SAMMSON: variants seen among roughly 807,000 people sequenced by gnomAD.
The protein encoded by SAMMSON is survival associated mitochondrial melanoma specific oncogenic non-coding RNA.
At chr3:70,140,798 CT>C (rs2067524679) in intron 4 of SAMMSON, among the ~76,000 whole-genome samples, 1 of 152,142 alleles carries the variant, frequency 6.6e-6, no homozygotes, top group East Asian at 1.9e-4. Flanking sequence ...TGAGAATTGC[CT>C]TTCTTCCATT....
At chr3:70,368,342 C>G (rs1438789582) in intron 9 of SAMMSON, among the ~76,000 whole-genome samples, 1 of 151,214 alleles carries the variant, frequency 6.6e-6, no homozygotes, top group African/African-American at 2.4e-5. Context: ...ATAAATAAAA[C>G]TATATGAGCA....
intron 9 of SAMMSON, among the ~76,000 whole-genome samples, chr3:70,388,683 T>A (rs1701007030): frequency 6.6e-6 from 1 of 152,166 alleles, no homozygotes; most frequent in Non-Finnish European, 1.5e-5. Flanking sequence ...CATCCCGTGC[T>A]TATTTTCTTG....
Position 70,170,630 on chromosome 3 carries a change from C to T in SAMMSON, n.508-78477C>T, listed in dbSNP as rs912578799. 7.9e-5 allele frequency among the ~76,000 whole-genome samples: 5 copies of T among 63,016 alleles called. No homozygotes were observed. In the East Asian group the frequency reaches 1.1e-3, roughly 13 times the overall value. The allele number at this position is 63,016 out of a possible 152,430, so 41.3% of individuals were successfully genotyped here. A position where few individuals can be genotyped will look rare whatever the true frequency, so the allele number is the denominator to read the frequency against. On this transcript the variant is annotated intron_variant and non_coding_transcript_variant, in intron 4 of 9. Coordinates refer to ENST00000642114, the Ensembl canonical transcript of SAMMSON. ...TTTTATGATGCTTTGAATAGAAATT[C>T]GTATTTTATTCACTGGCTAAACAGA...
chr3:70,147,983 A>G (rs2067556076), intron 4 of SAMMSON, among the ~76,000 whole-genome samples: 1 of 152,130 alleles, frequency 6.6e-6, no homozygotes, highest in African/African-American at 2.4e-5. Context: ...CAAAATTTGG[A>G]CAATTTACCA....
intron 3 of SAMMSON, among the ~76,000 whole-genome samples, chr3:70,021,465 A>G (rs2067013162): frequency 6.6e-6 from 1 of 152,200 alleles, no homozygotes; most frequent in Non-Finnish European, 1.5e-5. Flanking sequence ...TCTGTGGCAA[A>G]ATGAGGAAGT....
intron 3 of SAMMSON, among the ~76,000 whole-genome samples, chr3:70,064,693 G>A (rs1307323853): frequency 6.6e-6 from 1 of 152,108 alleles, no homozygotes; most frequent in African/African-American, 2.4e-5. Flanking sequence ...GCAGATGTAA[G>A]GAAGGCACAA....
chr3:70,146,748 G>C (rs570394541), intron 4 of SAMMSON, among the ~76,000 whole-genome samples: 1 of 152,036 alleles, frequency 6.6e-6, no homozygotes, highest in African/African-American at 2.4e-5. Context: ...CTCCCTTTAA[G>C]ACAGGGGACA....
rs567060211 is a variant in SAMMSON, at chr3:70,088,208, C to T, written n.507+16643C>T. Among the ~76,000 whole-genome samples, 9 of 152,310 alleles carry T rather than the reference C, an allele frequency of 5.9e-5. No individual in the cohort carries two copies. In the East Asian group the frequency reaches 1.5e-3, roughly 26 times the overall value. On this transcript the variant is annotated intron_variant and non_coding_transcript_variant, in intron 4 of 9. Coordinates refer to ENST00000642114, the Ensembl canonical transcript of SAMMSON. ...AGCTTTTCTTTTCTAATGCTTCCAA[C>T]AGACATTCAACAATAAGCTTAGGTT...
chr3:70,135,985 T>A (rs1305787103), intron 4 of SAMMSON, among the ~76,000 whole-genome samples: 2 of 151,022 alleles, frequency 1.3e-5, no homozygotes, highest in Non-Finnish European at 2.9e-5. Context: ...TATAGTTAAG[T>A]TGTAGTTTAA....
chr3:70,130,792 AC>A (rs1372683784), intron 4 of SAMMSON, among the ~76,000 whole-genome samples: 1 of 152,038 alleles, frequency 6.6e-6, no homozygotes, highest in Non-Finnish European at 1.5e-5. Flanking sequence ...GATGATCAAG[AC>A]CTCAATCTTC....
intron 4 of SAMMSON, among the ~76,000 whole-genome samples, chr3:70,248,662 T>C (rs1701731256): frequency 1.3e-5 from 2 of 152,098 alleles, no homozygotes; most frequent in Admixed American, 6.6e-5. Flanking sequence ...CAGGAGTTAA[T>C]TAAAGCTTAA....
intron 3 of SAMMSON, among the ~76,000 whole-genome samples, chr3:70,016,472 G>A (rs1224145897): frequency 6.6e-6 from 1 of 152,070 alleles, no homozygotes; most frequent in Non-Finnish European, 1.5e-5. Context: ...GTTCATTGTA[G>A]ATTCTGGATA....
At chr3:70,207,973 C>T (rs756000193) in intron 4 of SAMMSON, among the ~76,000 whole-genome samples, 15 of 151,944 alleles carry the variant, frequency 9.9e-5, no homozygotes, top group Admixed American at 2.6e-4. Flanking sequence ...CTAAGACAGG[C>T]GTGGACCTTG....
chr3:70,267,372 T>G (rs1053075724), intron 6 of SAMMSON, among the ~76,000 whole-genome samples: 3 of 150,802 alleles, frequency 2.0e-5, no homozygotes, highest in African/African-American at 7.3e-5. Context: ...TCTACTCTCT[T>G]GTACAGATTC....
At chr3:70,343,270 T>C (rs1349704146) in intron 7 of SAMMSON, among the ~76,000 whole-genome samples, 1 of 152,178 alleles carries the variant, frequency 6.6e-6, no homozygotes, top group African/African-American at 2.4e-5. Context: ...TCATGTTTCA[T>C]ATTTTATTCA....
intron 9 of SAMMSON, among the ~76,000 whole-genome samples, chr3:70,362,007 C>T (rs546848996): frequency 1.3e-5 from 2 of 152,098 alleles, no homozygotes; most frequent in South Asian, 4.2e-4. Context: ...TTGGATTTCC[C>T]GAGATGAATG....
chr3:70,199,878 C>T (rs563612598), intron 4 of SAMMSON, among the ~76,000 whole-genome samples: 4 of 152,248 alleles, frequency 2.6e-5, no homozygotes, highest in African/African-American at 7.2e-5. Flanking sequence ...GCCTGCTGCA[C>T]GTCTCTTCTG....
chr3:70,235,035 G>C (rs969888847), intron 4 of SAMMSON, among the ~76,000 whole-genome samples: 1 of 152,170 alleles, frequency 6.6e-6, no homozygotes, highest in African/African-American at 2.4e-5. Context: ...CTGCCCCAAA[G>C]AGATTTTATC....
At chr3:70,045,139 ATT>A (rs1210424903) in intron 3 of SAMMSON, among the ~76,000 whole-genome samples, 1 of 129,890 alleles carries the variant, frequency 7.7e-6, no homozygotes, top group South Asian at 2.2e-4. Flanking sequence ...ATATATTATA[ATT>A]TATATATATT....
Sources: allele counts gnomAD v4.1 joint callset (sites outside exome capture counted in the v4.1 genomes callset), GRCh38; gene constraint gnomAD v4.1.1; transcripts MANE v1.5; gene names NCBI Gene and HGNC (gene_info 2026-07-23, HGNC 2026-07-21).